Variants in SLC66A2 observed in about 807,000 individuals in gnomAD.
The protein encoded by SLC66A2 is solute carrier family 66 member 2.
A neutral mutation model predicts 25.5 loss-of-function variants in SLC66A2; 23 were observed. That is an observed-to-expected ratio of 0.90 (90% CI 0.65 to 1.28). SLC66A2 has a LOEUF of 1.28. Ranked by LOEUF, SLC66A2 falls within the 50% of genes most tolerant of loss-of-function variation. The pLI is 0.00. For missense variants in SLC66A2, 396 were observed against 373.1 expected, an observed-to-expected ratio of 1.06 and a Z score of -0.51; for synonymous variants, 193 against 166.5, an observed-to-expected ratio of 1.16 and a Z score of -1.23.
At position 79,940,384 on chromosome 18, in the gene SLC66A2, C is replaced by T. The variant is rs571649057; in HGVS notation, c.337+2945G>A. ...TCGGGAGGCCAAGGTGGGTGGATCA[C>T]TTGAGGTCAGGAGTTCAGGAGTTAG... On this transcript the variant is annotated intron_variant, in intron 3 of 5. Coordinates refer to ENST00000397778, the MANE Select transcript of SLC66A2 (RefSeq NM_025078.5). The surrounding 1 kb of genome is among the most constrained non-coding windows in gnomAD (Gnocchi z 4.1). 6.6e-6 allele frequency among the ~76,000 whole-genome samples: 1 copy of T among 152,086 alleles called. No homozygotes were observed. Among genetic ancestry groups the T allele is most frequent in the South Asian group, 2.1e-4 (1 of 4,818 alleles).
rs777395188 is a variant in SLC66A2 at position 79,917,995 on chromosome 18, C to T, written c.608+1189G>A. On this transcript the variant is annotated intron_variant, in intron 5 of 5. Coordinates refer to ENST00000397778, the MANE Select transcript of SLC66A2 (RefSeq NM_025078.5). This position sits in a 1 kb window ranked among gnomAD's most constrained non-coding sequence, Gnocchi z 6.0. ...TGCCTATGTCCCACACCCACACCTA[C>T]GCCACACACCTGTAACTGCAACCCA... is the stretch of plus-strand genomic sequence containing the variant. Among the ~76,000 whole-genome samples, 16 of 152,150 alleles carry T rather than the reference C, an allele frequency of 1.1e-4. No homozygotes were observed. The highest frequency in any genetic ancestry group is 2.1e-4 in the South Asian group (1 of 4,818).
intron 3 of SLC66A2, 122 bp from the exon 4 acceptor site, chr18:79,934,144 A>C: frequency 2.6e-6 from 2 of 778,644 alleles, no homozygotes; most frequent in Non-Finnish European, 4.2e-6. Context: ...AAAAAAAACA[A>C]ACCAGAATAG....
intron 3 of SLC66A2, among the ~76,000 whole-genome samples, chr18:79,936,247 A>C (rs977276923): frequency 6.6e-6 from 1 of 152,206 alleles, no homozygotes; most frequent in African/African-American, 2.4e-5. Flanking sequence ...ACATGATCAC[A>C]GTGGCCCAGG....
rs940560200 is a variant in SLC66A2 at position 79,918,555 on chromosome 18, G to A, written c.608+629C>T. Among the ~76,000 whole-genome samples, 6 of 152,210 alleles carry A rather than the reference G, an allele frequency of 3.9e-5. No homozygotes were observed. Among genetic ancestry groups the A allele is most frequent in the Non-Finnish European group, 5.9e-5 (4 of 68,028 alleles). ...TAGAGTTTTCTGCCCCCGCCACAGC[G>A]AGCAGATCTGTTTTTATTACAATGC... On this transcript the variant is annotated intron_variant, in intron 5 of 5. Transcript: ENST00000397778. This position sits in a 1 kb window ranked among gnomAD's most constrained non-coding sequence, Gnocchi z 4.0.
chr18:79,924,590 T>C (rs1322179383), intron 4 of SLC66A2, among the ~76,000 whole-genome samples: 1 of 152,236 alleles, frequency 6.6e-6, no homozygotes. Flanking sequence ...TTTTATGTTA[T>C]GTAAATTATA....
intron 5 of SLC66A2, among the ~76,000 whole-genome samples, chr18:79,910,009 C>T (rs1488353305): frequency 7.0e-6 from 1 of 143,526 alleles, no homozygotes; most frequent in Non-Finnish European, 1.5e-5. Flanking sequence ...CCCAGCCTTC[C>T]CCACACCCTC....
chr18:79,909,250 C>A (rs1476122653), intron 5 of SLC66A2, among the ~76,000 whole-genome samples: 3 of 152,202 alleles, frequency 2.0e-5, no homozygotes, highest in African/African-American at 7.2e-5. Context: ...TCATGTGCAA[C>A]ACTCAGAGAC....
rs9950305 is a variant in SLC66A2, at chr18:79,940,038, C to T, written c.337+3291G>A. 0.79 allele frequency among the ~76,000 whole-genome samples: 119,823 copies of T among 152,190 alleles called. 48,233 individuals are homozygous for T. The highest frequency in any genetic ancestry group is 0.94 in the South Asian group (4,533 of 4,824). ...AATGTGGTACGTATACACCACGGAA[C>T]ACTATGCAGCCATAAAAGAGAACAA... On this transcript the variant is annotated intron_variant, in intron 3 of 5. Coordinates refer to ENST00000397778, the MANE Select transcript of SLC66A2 (RefSeq NM_025078.5). The surrounding 1 kb of genome is among the most constrained non-coding windows in gnomAD (Gnocchi z 4.1).
At chr18:79,938,715 G>T (rs1987360040) in intron 3 of SLC66A2, among the ~76,000 whole-genome samples, 1 of 152,154 alleles carries the variant, frequency 6.6e-6, no homozygotes, top group Non-Finnish European at 1.5e-5. Flanking sequence ...CTCACCCTGT[G>T]GCCCAGGCTG....
chr18:79,914,989 C>G (rs1486152912), intron 5 of SLC66A2, among the ~76,000 whole-genome samples: 1 of 152,244 alleles, frequency 6.6e-6, no homozygotes, highest in Non-Finnish European at 1.5e-5. Context: ...GTCAGAGCAG[C>G]AGAAATAAGG....
rs1450766762 is a variant in SLC66A2, at chr18:79,918,155, C to T, written c.608+1029G>A. On this transcript the variant is annotated intron_variant, in intron 5 of 5. Coordinates refer to ENST00000397778, the MANE Select transcript of SLC66A2 (RefSeq NM_025078.5). This position sits in a 1 kb window ranked among gnomAD's most constrained non-coding sequence, Gnocchi z 4.0. ...CCCGGCCCTCACACCTCTGCCCACA[C>T]GCCAAACCTGCAAATACTCAGAGGT... 6.6e-6 allele frequency among the ~76,000 whole-genome samples: 1 copy of T among 152,326 alleles called. No individual in the cohort carries two copies. The highest frequency in any genetic ancestry group is 2.4e-5 in the African/African-American group (1 of 41,558).
intron 5 of SLC66A2, among the ~76,000 whole-genome samples, chr18:79,912,960 G>A (rs993556943): frequency 4.6e-5 from 7 of 152,160 alleles, no homozygotes; most frequent in Non-Finnish European, 8.8e-5. Flanking sequence ...TCATGAAGAC[G>A]TGGCCCCAGG....
In SLC66A2 at chr18:79,943,432, C is replaced by T; in HGVS notation, c.234G>A (p.Leu78=). ...TCAGGATCATGATGGCGCTCTGCCACAGCAGCGGGGACTCAAAGCGCCTTC... is the reference window on the plus strand; with the variant it reads ...TCAGGATCATGATGGCGCTCTGCCATAGCAGCGGGGACTCAAAGCGCCTTC... The part of the protein sequence containing the change: ...WFGRRFESPL[L]WQSAIMILTM... Residue 78 remains leucine (L), a synonymous_variant, in exon 3 of 6, where the codon CTG becomes CTA. Coordinates refer to ENST00000397778, the MANE Select transcript of SLC66A2 (RefSeq NM_025078.5). 1 of 1,614,168 alleles carries T rather than the reference C, an allele frequency of 6.2e-7. No homozygotes were observed. The highest frequency in any genetic ancestry group is 8.5e-7 in the Non-Finnish European group (1 of 1,180,000).
Position 79,943,309 on chromosome 18 carries a change from CCGAAGCGCCGGCCACCAA to C in SLC66A2, c.337+2_337+19del, listed in dbSNP as rs1389214877. The C allele has an allele frequency of 6.2e-7, 1 of 1,604,088 alleles. No homozygotes were observed. The highest frequency in any genetic ancestry group is 8.5e-7 in the Non-Finnish European group (1 of 1,174,430). ...CGCCCTGATTCCCTGCGACTTTATTCCGAAGCGCCGGCCACCAACCTGTAAAGGAGCGGCGCCTGGCGT... is the reference window on the plus strand; with the variant it reads ...CGCCCTGATTCCCTGCGACTTTATTCCCTGTAAAGGAGCGGCGCCTGGCGT... On this transcript the variant is annotated splice_donor_variant and splice_donor_5th_base_variant and intron_variant, in intron 3 of 5. Transcript: ENST00000397778. LOFTEE classifies it high-confidence loss of function.
In SLC66A2 at chr18:79,943,448, A is replaced by G; in HGVS notation, c.218T>C (p.Phe73Ser). The G allele has an allele frequency of 6.2e-7, 1 of 1,614,004 alleles. No individual in the cohort carries two copies. Among genetic ancestry groups the G allele is most frequent in the Non-Finnish European group, 8.5e-7 (1 of 1,179,924 alleles). The change falls in exon 3 of 6, where the codon TTT (phenylalanine) becomes TCT (serine). Residue 73 changes from phenylalanine to serine, a missense_variant. Phe to Ser is a radical substitution (Grantham distance 155). Coordinates refer to ENST00000397778, the MANE Select transcript of SLC66A2 (RefSeq NM_025078.5). ...GCTCTGCCACAGCAGCGGGGACTCA[A>G]AGCGCCTTCCAAACCTGCGGGAGAG... ...LRILFWFGRR[F>S]ESPLLWQSAI...
intron 5 of SLC66A2, among the ~76,000 whole-genome samples, chr18:79,914,838 C>A (rs1328460789): frequency 6.6e-6 from 1 of 152,250 alleles, no homozygotes; most frequent in Non-Finnish European, 1.5e-5. Context: ...AGGAACAGCC[C>A]CCAGGTCGCC....
rs11659619 is a variant in SLC66A2 at position 79,904,048 on chromosome 18, G to T, written c.744C>A (p.Ala248=). 1 of 1,610,296 alleles carries T rather than the reference G, an allele frequency of 6.2e-7. No individual in the cohort carries two copies. Among genetic ancestry groups the T allele is most frequent in the African/African-American group, 1.3e-5 (1 of 74,844 alleles). The part of the protein sequence containing the change: ...VLVDLAILGQ[A]YAFARHPQKP... Reference sequence around the variant, plus strand: ...TCTGGGGGTGGCGGGCGAAGGCGTAGGCCTGCCCCAGGATGGCCAGGTCCA... The same window carrying T: ...TCTGGGGGTGGCGGGCGAAGGCGTATGCCTGCCCCAGGATGGCCAGGTCCA... The change falls in exon 6 of 6, where the codon GCC becomes GCA. Residue 248 remains alanine (A), a synonymous_variant. Coordinates refer to ENST00000397778, the MANE Select transcript of SLC66A2 (RefSeq NM_025078.5). This position sits in a 1 kb window ranked among gnomAD's most constrained non-coding sequence, Gnocchi z 6.3.
chr18:79,909,643 T>C (rs1258387953), intron 5 of SLC66A2, among the ~76,000 whole-genome samples: 73 of 47,498 alleles, frequency 1.5e-3, no homozygotes, highest in East Asian at 3.3e-3. Context: ...CTTCCCCACA[T>C]CCTCACCATA....
chr18:79,918,374 G>A lies in SLC66A2; in HGVS notation c.608+810C>T, dbSNP rs115478030. Among the ~76,000 whole-genome samples, 891 of 151,782 alleles carry A rather than the reference G, an allele frequency of 5.9e-3. 13 individuals carry two copies. The highest frequency in any genetic ancestry group is 0.02 in the African/African-American group (844 of 41,418). On this transcript the variant is annotated intron_variant, in intron 5 of 5. Coordinates refer to ENST00000397778, the MANE Select transcript of SLC66A2 (RefSeq NM_025078.5). The surrounding 1 kb of genome is among the most constrained non-coding windows in gnomAD (Gnocchi z 4.0). ...CGTGTGGGGGCTCAGGGTGTTCTCC[G>A]TGAGGAGCGGGCACCGGGGGGCGGA...
Sources: allele counts gnomAD v4.1 joint callset (sites outside exome capture counted in the v4.1 genomes callset), GRCh38; gene constraint gnomAD v4.1.1; non-coding constraint Gnocchi (gnomAD v3.1); transcripts MANE v1.5; gene names NCBI Gene and HGNC (gene_info 2026-07-23, HGNC 2026-07-21).